The following NFAM1 variants were observed in gnomAD, a reference collection of about 807,000 sequenced individuals.
NFAM1 encodes NFAT activation molecule 1.
In NFAM1, 17 loss-of-function variants were observed where a neutral mutation model predicts 29.0. That is an observed-to-expected ratio of 0.59 (90% CI 0.40 to 0.88). NFAM1 has a LOEUF of 0.88. Ranked by LOEUF, NFAM1 falls within the 40% of genes least tolerant of loss-of-function variation. NFAM1 has a pLI of 0.00. For missense variants in NFAM1, 324 were observed against 344.6 expected (o/e 0.94, Z 0.47); for synonymous variants, 175 against 147.2 (o/e 1.19, Z -1.36).
intron 3 of NFAM1, among the ~76,000 whole-genome samples, chr22:42,406,957 A>T (rs1199342290): frequency 2.6e-5 from 4 of 151,826 alleles, no homozygotes; most frequent in Non-Finnish European, 5.9e-5. Context: ...TTGTATCTTT[A>T]GTAGAGACAG....
At position 42,419,473 on chromosome 22, in the gene NFAM1, A is replaced by G. The variant is rs763424652; in HGVS notation, c.122-7737T>C. On this transcript the variant is annotated intron_variant, in intron 1 of 5. Transcript: ENST00000329021. The surrounding 1 kb of genome is among the most constrained non-coding windows in gnomAD (Gnocchi z 4.5). ...TTTGCGACCTTCTAGTTTCAGTTAT[A>G]TTCATACAATTGGGTTCAGACAGGG... Among the ~76,000 whole-genome samples the G allele has an allele frequency of 6.6e-6, 1 of 152,208 alleles. No individual in the cohort carries two copies.
At chr22:42,393,619 T>A (rs1929422488) in intron 4 of NFAM1, among the ~76,000 whole-genome samples, 1 of 149,788 alleles carries the variant, frequency 6.7e-6, no homozygotes, top group South Asian at 2.1e-4. Context: ...GGTTTCAGCA[T>A]GTTGGCCAGG....
At chr22:42,387,165 A>C (rs1601731899) in intron 4 of NFAM1, 87 bp from the exon 5 acceptor site, 6 of 730,018 alleles carry the variant, frequency 8.2e-6, no homozygotes, top group Non-Finnish European at 2.2e-6. Flanking sequence ...CCTGTTACAC[A>C]CCCCACCGTG....
In NFAM1 at chr22:42,382,236, A is replaced by G; in HGVS notation, c.*2925T>C. The G allele has an allele frequency of 6.6e-6, 1 of 152,312 alleles. No homozygotes were observed. Among genetic ancestry groups the G allele is most frequent in the South Asian group, 2.1e-4 (1 of 4,824 alleles). The allele number at this position is 152,312 out of a possible 1,614,324, so 9.4% of individuals were successfully genotyped here. A position where few individuals can be genotyped will look rare whatever the true frequency, so the allele number is the denominator to read the frequency against. ...ACACCAGGCTAATTTTTGTATTTTTAGTAGAGACGGGGTTTCACCACGTTG... is the reference window on the plus strand; with the variant it reads ...ACACCAGGCTAATTTTTGTATTTTTGGTAGAGACGGGGTTTCACCACGTTG... On this transcript the variant is annotated 3_prime_UTR_variant, in exon 6 of 6. Coordinates refer to ENST00000329021, the MANE Select transcript of NFAM1 (RefSeq NM_145912.8).
intron 1 of NFAM1, among the ~76,000 whole-genome samples, chr22:42,427,469 G>A (rs1930660091): frequency 6.6e-6 from 1 of 152,174 alleles, no homozygotes. Flanking sequence ...ACCATTTCCT[G>A]AGCATCTGCT....
At chr22:42,434,737 C>T (rs1375810413), upstream of NFAM1, among the ~76,000 whole-genome samples, 4 of 152,254 alleles carry the variant, frequency 2.6e-5, no homozygotes, top group Non-Finnish European at 4.4e-5. Context: ...AGGCTGAAGG[C>T]GGAGCAGAGG....
intron 1 of NFAM1, among the ~76,000 whole-genome samples, chr22:42,412,086 G>T (rs1035877438): frequency 6.6e-6 from 1 of 152,136 alleles, no homozygotes; most frequent in East Asian, 1.9e-4. Flanking sequence ...ACAAAGATTA[G>T]CCAGGTGTGG....
intron 1 of NFAM1, among the ~76,000 whole-genome samples, chr22:42,428,655 G>T (rs533317319): frequency 1.3e-5 from 2 of 152,334 alleles, no homozygotes; most frequent in African/African-American, 4.8e-5. Context: ...CCACCAGGCT[G>T]AGAGTGGGGC....
At chr22:42,425,832 C>T (rs187318503) in intron 1 of NFAM1, among the ~76,000 whole-genome samples, 241 of 152,318 alleles carry the variant, frequency 1.6e-3, no homozygotes, top group African/African-American at 5.6e-3. Flanking sequence ...CACAGCCTCA[C>T]GTGCCTCAGG....
At chr22:42,425,246 C>G (rs1449219771) in intron 1 of NFAM1, among the ~76,000 whole-genome samples, 2 of 151,238 alleles carry the variant, frequency 1.3e-5, no homozygotes, top group East Asian at 3.9e-4. Flanking sequence ...AGAACAAGGA[C>G]AAGAGAAATA....
chr22:42,411,243 C>T (rs1426379761), intron 2 of NFAM1, among the ~76,000 whole-genome samples, 164 bp downstream of exon 2: 1 of 151,970 alleles, frequency 6.6e-6, no homozygotes, highest in Admixed American at 6.6e-5. Context: ...AGGCTGGTCT[C>T]GAATCCCTGA....
upstream of NFAM1, among the ~76,000 whole-genome samples, chr22:42,436,242 G>C (rs1425969036): frequency 6.6e-6 from 1 of 152,174 alleles, no homozygotes; most frequent in Non-Finnish European, 1.5e-5. Context: ...AGTGCCGTGG[G>C]AAGGAGATCC....
At chr22:42,437,139 G>T (rs13054476), upstream of NFAM1, 4,490 of 187,826 alleles carry the variant, frequency 0.024, 89 homozygotes, top group Non-Finnish European at 0.027. Context: ...TTTTCTTTTT[G>T]TCTTTTTTTT....
intron 4 of NFAM1, among the ~76,000 whole-genome samples, chr22:42,390,077 C>T (rs181837550): frequency 5.3e-4 from 80 of 151,996 alleles, no homozygotes; most frequent in Admixed American, 1.9e-3. Context: ...AGAGCAGGAA[C>T]GGGAGCAGGA....
rs1348727477 is a variant in NFAM1 at position 42,388,598 on chromosome 22, C to T, written c.664-1520G>A. Among the ~76,000 whole-genome samples the T allele has an allele frequency of 6.6e-6, 1 of 151,612 alleles. No individual in the cohort carries two copies. Among genetic ancestry groups the T allele is most frequent in the African/African-American group, 2.4e-5 (1 of 41,250 alleles). On this transcript the variant is annotated intron_variant, in intron 4 of 5. Coordinates refer to ENST00000329021, the MANE Select transcript of NFAM1 (RefSeq NM_145912.8). The surrounding 1 kb of genome is among the most constrained non-coding windows in gnomAD (Gnocchi z 4.1). The stretch of plus-strand genomic sequence containing the variant: ...AACAGGCAAGCAGGGGTTGCTGAGG[C>T]AGGCTGGAGAGACAGGTGGTGCTCA...
At chr22:42,386,920 C>G (rs907932929) in intron 5 of NFAM1, 69 bp downstream of exon 5, 3 of 835,160 alleles carry the variant, frequency 3.6e-6, no homozygotes, top group African/African-American at 3.6e-5. Flanking sequence ...ATTTGCCCCC[C>G]CACTTCACCA....
chr22:42,398,386 TTATTATTA>T (rs1569228009), intron 3 of NFAM1, among the ~76,000 whole-genome samples: 116 of 94,858 alleles, frequency 1.2e-3, no homozygotes, highest in Admixed American at 5.7e-3. Context: ...GTTTTATTTA[TTATTATTA>T]TTATTATTAT....
chr22:42,407,456 C>T (rs1929937348), intron 3 of NFAM1, among the ~76,000 whole-genome samples: 2 of 152,010 alleles, frequency 1.3e-5, no homozygotes, highest in African/African-American at 4.8e-5. Flanking sequence ...GCAACCTCCA[C>T]CTCCCGGGTT....
chr22:42,415,133 G>A (rs1235152454), intron 1 of NFAM1, among the ~76,000 whole-genome samples: 1 of 151,976 alleles, frequency 6.6e-6, no homozygotes, highest in Non-Finnish European at 1.5e-5. Context: ...AGCCGTCTCT[G>A]ACGAGCTCAG....
Sources: allele counts gnomAD v4.1 joint callset (sites outside exome capture counted in the v4.1 genomes callset), GRCh38; gene constraint gnomAD v4.1.1; non-coding constraint Gnocchi (gnomAD v3.1); transcripts MANE v1.5; gene names NCBI Gene and HGNC (gene_info 2026-07-23, HGNC 2026-07-21).